The following SGK3 variants were observed in gnomAD, a reference collection of about 807,000 sequenced individuals.
The protein encoded by SGK3 is serine/threonine-protein kinase Sgk3.
A neutral mutation model predicts 68.5 loss-of-function variants in SGK3; 47 were observed. That is an observed-to-expected ratio of 0.69 (90% CI 0.54 to 0.87). SGK3 has a LOEUF of 0.87. Ranked by LOEUF, SGK3 falls within the 40% of genes least tolerant of loss-of-function variation. SGK3 has a pLI of 0.00. For synonymous variants in SGK3, 181 were observed against 189.1 expected (o/e 0.96, Z 0.35); for missense variants, 479 against 575.5 (o/e 0.83, Z 1.72).
chr8:66,758,442 A>C lies in SGK3; in HGVS notation c.-121-35174A>C, dbSNP rs537175906. Among the ~76,000 whole-genome samples the C allele has an allele frequency of 4.6e-5, 7 of 152,258 alleles. No individual in the cohort carries two copies. The South Asian group carries it at 1.4e-3, about 32-fold the overall frequency. On this transcript the variant is annotated intron_variant, in intron 1 of 16. Transcript: ENST00000521198. ...TTAGCATTATATTATTTGTTTGCAA[A>C]TCTCTTTAATATCTGGCTTAGTAAG...
chr8:66,779,601 T>TAAA (rs747085904), intron 1 of SGK3, among the ~76,000 whole-genome samples: 1 of 104,118 alleles, frequency 9.6e-6, no homozygotes, highest in Non-Finnish European at 1.9e-5. Context: ...TATATATATA[T>TAAA]AAAACACATT....
chr8:66,832,831 C>A (rs752515309), intron 8 of SGK3, among the ~76,000 whole-genome samples: 1 of 151,708 alleles, frequency 6.6e-6, no homozygotes. Flanking sequence ...TGAGGCATAG[C>A]GTCACAATTC....
rs1309498489 is a variant in SGK3, at chr8:66,839,517, A to G, written c.742-486A>G. On this transcript the variant is annotated intron_variant, in intron 10 of 16. Coordinates refer to ENST00000521198, the MANE Select transcript of SGK3 (RefSeq NM_001033578.3). ...TATGGAGATATATATATATATATAT[A>G]TATATATATATATATATATATATAT... 6.8e-3 allele frequency among the ~76,000 whole-genome samples: 263 copies of G among 38,892 alleles called. 19 individuals are homozygous for G. The highest frequency in any genetic ancestry group is 0.026 in the African/African-American group (254 of 9,744). 25.5% of individuals were successfully genotyped at this position (38,892 alleles called of 152,430 possible). A position where few individuals can be genotyped will look rare whatever the true frequency, so the allele number is the denominator to read the frequency against.
chr8:66,850,058 C>T (rs1810206938), intron 15 of SGK3, among the ~76,000 whole-genome samples: 1 of 152,136 alleles, frequency 6.6e-6, no homozygotes, highest in Admixed American at 6.5e-5. Context: ...AGCTCTTGAG[C>T]TTCACCTTAT....
At chr8:66,822,256 T>G (rs1808870159) in intron 5 of SGK3, 116 bp from the exon 6 acceptor site, 1 of 881,656 alleles carries the variant, frequency 1.1e-6, no homozygotes, top group Non-Finnish European at 1.6e-6. Context: ...GGATTCTGTT[T>G]TACTTTCTTA....
At chr8:66,744,665 C>T (rs2130411516) in intron 1 of SGK3, among the ~76,000 whole-genome samples, 1 of 150,278 alleles carries the variant, frequency 6.7e-6, no homozygotes, top group Non-Finnish European at 1.5e-5. Context: ...GCCACTATGC[C>T]TGACTAATTT....
chr8:66,716,033 T>G (rs946061182), intron 1 of SGK3, among the ~76,000 whole-genome samples: 2 of 152,224 alleles, frequency 1.3e-5, no homozygotes, highest in Admixed American at 1.3e-4. Context: ...TTGAAAAAAA[T>G]TAATGTAAAT....
chr8:66,720,571 A>G (rs889091342), intron 1 of SGK3, among the ~76,000 whole-genome samples: 1 of 151,618 alleles, frequency 6.6e-6, no homozygotes, highest in Admixed American at 6.6e-5. Flanking sequence ...GGAGTTTGAG[A>G]CCAGCCTGGC....
chr8:66,804,859 C>T (rs1808087230), intron 4 of SGK3, among the ~76,000 whole-genome samples: 1 of 152,114 alleles, frequency 6.6e-6, no homozygotes, highest in Admixed American at 6.6e-5. Flanking sequence ...GAGGCCAAGG[C>T]AGGAGGATCA....
At chr8:66,757,602 AT>A (rs200481264) in intron 1 of SGK3, among the ~76,000 whole-genome samples, 8,519 of 149,030 alleles carry the variant, frequency 0.057, 350 homozygotes, top group African/African-American at 0.12. Flanking sequence ...AAACTGATAA[AT>A]TTTAAAAAAA....
At chr8:66,812,413 C>T (rs1808413899) in intron 4 of SGK3, among the ~76,000 whole-genome samples, 1 of 151,800 alleles carries the variant, frequency 6.6e-6, no homozygotes, top group Admixed American at 6.6e-5. Context: ...AAAAATTAGC[C>T]AGGTGTGGTG....
At chr8:66,758,962 CA>C (rs1170887656) in intron 1 of SGK3, among the ~76,000 whole-genome samples, 1 of 152,154 alleles carries the variant, frequency 6.6e-6, no homozygotes, top group Non-Finnish European at 1.5e-5. Flanking sequence ...GGCTGGAAAT[CA>C]AAGGCTGCAC....
intron 4 of SGK3, 90 bp downstream of exon 4, chr8:66,804,537 A>G (rs940562390): frequency 2.5e-5 from 33 of 1,339,442 alleles, no homozygotes; most frequent in Middle Eastern, 4.4e-4. Context: ...ATAGCAGTGC[A>G]GGACTTTAAA....
intron 14 of SGK3, among the ~76,000 whole-genome samples, chr8:66,845,454 C>T (rs1458337018): frequency 6.6e-6 from 1 of 152,078 alleles, no homozygotes. Context: ...TTTTTCTTTC[C>T]TACACAAAGG....
chr8:66,732,147 T>C (rs1805173876), intron 1 of SGK3, among the ~76,000 whole-genome samples: 3 of 152,300 alleles, frequency 2.0e-5, no homozygotes, highest in African/African-American at 7.2e-5. Context: ...AATTTGCACC[T>C]ACAAGAATTA....
intron 1 of SGK3, among the ~76,000 whole-genome samples, chr8:66,788,106 T>A (rs572207015): frequency 2.0e-5 from 3 of 152,268 alleles, no homozygotes; most frequent in African/African-American, 7.2e-5. Context: ...GGCCTTAGGA[T>A]CCTCCCTATG....
chr8:66,724,165 G>A (rs903161191), intron 1 of SGK3, among the ~76,000 whole-genome samples: 7 of 152,000 alleles, frequency 4.6e-5, no homozygotes, highest in African/African-American at 1.7e-4. Context: ...CTAGAGACAG[G>A]GTCTAGTGAG....
rs71249408 is a variant in SGK3 at position 66,796,321 on chromosome 8, A to ATTTTTT, written c.97-2195_97-2190dup. ...CCAGCTAATTTTTTGTATTTTTTGTATTTTTTTTTTTTTTTTTTTTTTTTT... is the reference window on the plus strand; with the variant it reads ...CCAGCTAATTTTTTGTATTTTTTGTATTTTTTTTTTTTTTTTTTTTTTTTTTTTTTT... On this transcript the variant is annotated intron_variant, in intron 2 of 16. Transcript: ENST00000521198. 7.3e-4 allele frequency among the ~76,000 whole-genome samples: 30 copies of ATTTTTT among 41,360 alleles called. 3 individuals are homozygous for ATTTTTT. Among genetic ancestry groups the ATTTTTT allele is most frequent in the East Asian group, 3.4e-3 (3 of 892 alleles). The allele number at this position is 41,360 out of a possible 152,430, so 27.1% of individuals were successfully genotyped here. A position where few individuals can be genotyped will look rare whatever the true frequency, so the allele number is the denominator to read the frequency against.
chr8:66,741,456 A>G (rs964186917), intron 1 of SGK3, among the ~76,000 whole-genome samples: 2 of 152,028 alleles, frequency 1.3e-5, no homozygotes, highest in African/African-American at 4.8e-5. Context: ...CCTCTGAGGC[A>G]TGAGAATTGC....
Sources: allele counts gnomAD v4.1 joint callset (sites outside exome capture counted in the v4.1 genomes callset), GRCh38; gene constraint gnomAD v4.1.1; transcripts MANE v1.5; gene names NCBI Gene and HGNC (gene_info 2026-07-23, HGNC 2026-07-21).